The following TENM4 variants were observed in gnomAD, a reference collection of about 807,000 sequenced individuals.
TENM4 encodes the protein teneurin-4.
In TENM4, 82 loss-of-function variants were observed where a neutral mutation model predicts 243.3. That is an observed-to-expected ratio of 0.34 (90% CI 0.28 to 0.40). The LOEUF (loss-of-function observed/expected upper bound fraction) is 0.40, where lower values mean the gene tolerates loss of function less well. TENM4 is among the 10% of genes least tolerant of loss of function. TENM4 has a pLI of 1.00. For synonymous variants in TENM4, 1,412 were observed against 1,456.3 expected, an observed-to-expected ratio of 0.97 and a Z score of 0.69; for missense variants, 3,138 against 3,673.3, an observed-to-expected ratio of 0.85 and a Z score of 3.77.
At chr11:78,881,345 G>C (rs1358506766) in intron 9 of TENM4, among the ~76,000 whole-genome samples, 1 of 152,208 alleles carries the variant, frequency 6.6e-6, no homozygotes, top group African/African-American at 2.4e-5. Flanking sequence ...CTTGAGCTGT[G>C]ACTTCTGGTT....
At chr11:78,914,768 A>G (rs1856274764) in intron 6 of TENM4, among the ~76,000 whole-genome samples, 1 of 152,150 alleles carries the variant, frequency 6.6e-6, no homozygotes, top group Non-Finnish European at 1.5e-5. Flanking sequence ...CAACTTAACA[A>G]TGTAACCAAT....
Position 79,267,634 on chromosome 11 carries a change from C to T in TENM4, c.-265+29854G>A, listed in dbSNP as rs543295440. 2.0e-4 allele frequency among the ~76,000 whole-genome samples: 30 copies of T among 152,240 alleles called. No individual in the cohort carries two copies. The South Asian group carries it at 3.3e-3, about 17-fold the overall frequency. On this transcript the variant is annotated intron_variant, in intron 2 of 33. Coordinates refer to ENST00000278550, the MANE Select transcript of TENM4 (RefSeq NM_001098816.3). ...AAAAGAGGATAATCATCTTTACCTCCATGGTATAGACTCTCTTAACCTATA... is the reference window on the plus strand; with the variant it reads ...AAAAGAGGATAATCATCTTTACCTCTATGGTATAGACTCTCTTAACCTATA...
intron 31 of TENM4, among the ~76,000 whole-genome samples, chr11:78,671,072 C>T (rs1792128): frequency 0.85 from 130,022 of 152,244 alleles, 55,970 homozygotes; most frequent in African/African-American, 0.9. Flanking sequence ...AAACAGTTTC[C>T]GCTGACTCCC....
At chr11:78,735,191 T>C (rs1167246656) in intron 20 of TENM4, among the ~76,000 whole-genome samples, 3 of 152,206 alleles carry the variant, frequency 2.0e-5, no homozygotes, top group African/African-American at 7.2e-5. Flanking sequence ...GCAGGAGCTA[T>C]CACCCGTTTG....
chr11:79,400,099 C>A (rs1051542371), intron 1 of TENM4, among the ~76,000 whole-genome samples: 3 of 140,674 alleles, frequency 2.1e-5, no homozygotes, highest in East Asian at 4.4e-4. Flanking sequence ...TAAACACACA[C>A]CACACACACA....
chr11:79,202,652 C>A (rs939548001), intron 3 of TENM4, among the ~76,000 whole-genome samples: 1 of 152,134 alleles, frequency 6.6e-6, no homozygotes, highest in Non-Finnish European at 1.5e-5. Context: ...CCAGTGGTGG[C>A]CCCTGGGGAC....
chr11:79,186,539 C>T (rs1489828087), intron 3 of TENM4, among the ~76,000 whole-genome samples: 3 of 152,206 alleles, frequency 2.0e-5, no homozygotes, highest in African/African-American at 7.2e-5. Context: ...GGCTAACTTT[C>T]CTCTTCTTAC....
intron 12 of TENM4, among the ~76,000 whole-genome samples, chr11:78,828,502 A>G (rs1857907466): frequency 6.6e-6 from 1 of 152,250 alleles, no homozygotes; most frequent in Non-Finnish European, 1.5e-5. Context: ...TTTTCTTCAC[A>G]ATAATTATAA....
intron 1 of TENM4, among the ~76,000 whole-genome samples, chr11:79,364,515 T>C (rs982514138): frequency 6.6e-6 from 1 of 152,246 alleles, no homozygotes; most frequent in Non-Finnish European, 1.5e-5. Context: ...GGGAAAGCTA[T>C]GGTAAAAATC....
chr11:78,715,696 C>T (rs1278989808), intron 25 of TENM4, among the ~76,000 whole-genome samples: 1 of 152,200 alleles, frequency 6.6e-6, no homozygotes, highest in Admixed American at 6.5e-5. Context: ...TAGTTCAAAT[C>T]GTAGGTCCCT....
rs1292350213 is a variant in TENM4, at chr11:78,812,316, G to A, written c.1784C>T (p.Ala595Val). ...LGFLGPDCGRASCPVLCSGNG... is the reference protein window; with the variant it reads ...LGFLGPDCGRVSCPVLCSGNG... ...TCCGCTACAGAGCACGGGGCAGGAG[G>A]CTGGGGAGACAGCACCGGAGTCTGG... The change falls in exon 14 of 34, where the codon GCC becomes GTC. Residue 595 changes from alanine (A) to valine (V), a missense_variant and splice_region_variant. By Grantham distance (64) the Ala-to-Val change is moderately conservative. Transcript: ENST00000278550. 1 of 1,550,398 alleles carries A rather than the reference G, an allele frequency of 6.4e-7. No individual in the cohort carries two copies.
intron 6 of TENM4, among the ~76,000 whole-genome samples, chr11:78,950,715 T>G (rs909386163): frequency 3.9e-5 from 6 of 152,360 alleles, no homozygotes; most frequent in African/African-American, 1.4e-4. Flanking sequence ...TATTTCACAT[T>G]GAATTCTAAT....
chr11:79,066,683 C>A (rs1202668562), intron 5 of TENM4, among the ~76,000 whole-genome samples: 2 of 150,914 alleles, frequency 1.3e-5, no homozygotes, highest in African/African-American at 4.9e-5. Flanking sequence ...CACACACGCA[C>A]GCATGCACAC....
intron 32 of TENM4, among the ~76,000 whole-genome samples, chr11:78,665,576 A>G (rs1858137857): frequency 6.6e-6 from 1 of 152,162 alleles, no homozygotes; most frequent in Admixed American, 6.5e-5. Context: ...CCAGCCAATA[A>G]TCTCTTTCAT....
intron 6 of TENM4, among the ~76,000 whole-genome samples, chr11:79,022,423 G>T (rs945053074): frequency 1.3e-5 from 2 of 152,060 alleles, no homozygotes; most frequent in Non-Finnish European, 2.9e-5. Context: ...AACAGTCCCG[G>T]CAAAGGATCT....
In TENM4 at chr11:78,764,595, T is replaced by C. The variant is rs115521392; in HGVS notation, c.2539+6397A>G. Reference sequence around the variant, plus strand: ...GCTTGACAGGGCCCATCAAGGGCCATGGGGTGTGGTGGAAGCCATTCCCTA... The same window carrying C: ...GCTTGACAGGGCCCATCAAGGGCCACGGGGTGTGGTGGAAGCCATTCCCTA... On this transcript the variant is annotated intron_variant, in intron 18 of 33. Transcript: ENST00000278550. Among the ~76,000 whole-genome samples the C allele has an allele frequency of 9.5e-3, 1,446 of 152,284 alleles. 28 individuals are homozygous for C. Among genetic ancestry groups the C allele is most frequent in the African/African-American group, 0.033 (1,380 of 41,556 alleles).
intron 6 of TENM4, among the ~76,000 whole-genome samples, chr11:78,999,499 G>C (rs1858261303): frequency 6.6e-6 from 1 of 152,140 alleles, no homozygotes; most frequent in African/African-American, 2.4e-5. Flanking sequence ...CTGGGAGACA[G>C]AGCGGGACTC....
rs1859129694 is a variant in TENM4, at chr11:78,702,346, C to T, written c.4267G>A (p.Val1423Ile). The T allele has an allele frequency of 6.2e-7, 1 of 1,613,980 alleles. No homozygotes were observed. The highest frequency in any genetic ancestry group is 1.1e-5 in the South Asian group (1 of 91,084). Residue 1423 changes from valine to isoleucine, a missense_variant, in exon 28 of 34, where the codon GTC becomes ATC. Transcript: ENST00000278550. The part of the protein sequence containing the change: ...AINPMDNSLY[V>I]LDNNVVLQIS... Reference sequence around the variant, plus strand: ...TGCAGGACCACATTGTTGTCGAGGACATAAAGTGAGTTGTCCATTGGGTTG... The same window carrying T: ...TGCAGGACCACATTGTTGTCGAGGATATAAAGTGAGTTGTCCATTGGGTTG...
intron 1 of TENM4, among the ~76,000 whole-genome samples, chr11:79,316,945 C>T (rs1856812840): frequency 6.6e-6 from 1 of 152,216 alleles, no homozygotes; most frequent in African/African-American, 2.4e-5. Flanking sequence ...AGAAGTGACT[C>T]TGTGATTTTT....
Sources: gnomAD v4.1 joint callset for allele counts (sites outside exome capture counted in the v4.1 genomes callset) on GRCh38, gnomAD v4.1.1 for gene constraint, MANE v1.5 for transcripts, NCBI Gene and HGNC (gene_info 2026-07-23, HGNC 2026-07-21) for gene names.